The following CD2AP variants were observed in gnomAD, a reference collection of about 807,000 sequenced individuals.
CD2AP encodes the protein CD2-associated protein.
Under a neutral mutation model 85.1 loss-of-function variants are expected in CD2AP, and 46 were observed. That is an observed-to-expected ratio of 0.54 (90% confidence interval 0.43 to 0.69). CD2AP has a LOEUF of 0.69. Ranked by LOEUF, CD2AP falls within the 30% of genes least tolerant of loss-of-function variation. CD2AP has a pLI of 0.00. For synonymous variants in CD2AP, 255 were observed against 252.9 expected (o/e 1.01, Z -0.08); for missense variants, 769 against 729.5 (o/e 1.05, Z -0.62).
intron 5 of CD2AP, among the ~76,000 whole-genome samples, chr6:47,565,663 C>T (rs1168006297): frequency 6.6e-6 from 1 of 152,114 alleles, no homozygotes; most frequent in East Asian, 1.9e-4. Flanking sequence ...TCTTAGATTT[C>T]TCTTGTACTC....
intron 2 of CD2AP, among the ~76,000 whole-genome samples, chr6:47,509,066 C>T (rs1369765657): frequency 6.6e-6 from 1 of 152,132 alleles, no homozygotes; most frequent in African/African-American, 2.4e-5. Context: ...TTCTTCCTTT[C>T]ACTTGAATAC....
At chr6:47,603,097 C>G (rs1769183719) in intron 13 of CD2AP, among the ~76,000 whole-genome samples, 1 of 151,632 alleles carries the variant, frequency 6.6e-6, no homozygotes, top group Non-Finnish European at 1.5e-5. Flanking sequence ...TAATAGGTAC[C>G]TGTTGAGTAG....
chr6:47,517,393 T>A (rs1766481122), intron 2 of CD2AP, among the ~76,000 whole-genome samples: 1 of 151,882 alleles, frequency 6.6e-6, no homozygotes, highest in African/African-American at 2.4e-5. Context: ...GCTCAAGCGA[T>A]CCTCTCACCT....
rs911968349 is a variant in CD2AP, at chr6:47,478,173, G to T, written c.-72G>T. 12 of 1,544,830 alleles carry T rather than the reference G, an allele frequency of 7.8e-6. No homozygotes were observed. The highest frequency in any genetic ancestry group is 2.0e-5 in the Admixed American group (1 of 51,084). ...GGGTCCCGCCTCCAGCCGCGGGAGC[G>T]GCCGCGCGAGCCACCACTGGAGGAG... On this transcript the variant is annotated 5_prime_UTR_variant, in exon 1 of 18. Coordinates refer to ENST00000359314, the MANE Select transcript of CD2AP (RefSeq NM_012120.3).
intron 11 of CD2AP, among the ~76,000 whole-genome samples, chr6:47,589,495 CA>C (rs1209527734): frequency 6.8e-6 from 1 of 147,768 alleles, no homozygotes; most frequent in East Asian, 2.0e-4. Context: ...TGTATGTGCA[CA>C]TATATATACA....
chr6:47,478,389 C>T (rs1765360223), intron 1 of CD2AP, 141 bp downstream of exon 1: 2 of 965,554 alleles, frequency 2.1e-6, no homozygotes, highest in Admixed American at 4.0e-5. Context: ...TCCCCACCGC[C>T]CCTTCTTGCC....
Position 47,606,055 on chromosome 6 carries a change from A to C in CD2AP, c.1418-110A>C, listed in dbSNP as rs930458505. On this transcript the variant is annotated intron_variant, in intron 13 of 17. Transcript: ENST00000359314. ...ACAGGTCAATTTGTGAGTTCTTCAA[A>C]GTAGTGGTACTCTTTTTAATTTATA... The C allele has an allele frequency of 2.3e-5, 15 of 657,954 alleles. No homozygotes were observed. The Admixed American group carries it at 3.2e-4, about 14-fold the overall frequency. The allele number at this position is 657,954 out of a possible 1,614,324, so 40.8% of individuals were successfully genotyped here.
At chr6:47,607,063 G>C (rs1769296146) in intron 14 of CD2AP, among the ~76,000 whole-genome samples, 1 of 151,990 alleles carries the variant, frequency 6.6e-6, no homozygotes, top group Non-Finnish European at 1.5e-5. Flanking sequence ...TGCAAAGTTT[G>C]TTCTTCTGTG....
At chr6:47,621,888 G>A (rs932808291) in intron 17 of CD2AP, among the ~76,000 whole-genome samples, 5 of 152,148 alleles carry the variant, frequency 3.3e-5, no homozygotes, top group African/African-American at 1.2e-4. Flanking sequence ...ACCAGCAGTG[G>A]GCGGGGCCGT....
rs544178640 is a variant in CD2AP, at chr6:47,583,829, C to A, written c.1108+1764C>A. Among the ~76,000 whole-genome samples the A allele has an allele frequency of 2.6e-5, 4 of 152,252 alleles. No homozygotes were observed. In the East Asian group the frequency reaches 7.7e-4, roughly 29 times the overall value. The stretch of plus-strand genomic sequence containing the variant: ...GCAAGAGTATATTGAGTTTTGTAGG[C>A]GCAACTGCCAAACTTCTTCCAATGT... On this transcript the variant is annotated intron_variant, in intron 11 of 17. Coordinates refer to ENST00000359314, the MANE Select transcript of CD2AP (RefSeq NM_012120.3).
chr6:47,575,800 C>T (rs1308415930), intron 6 of CD2AP, among the ~76,000 whole-genome samples: 2 of 152,000 alleles, frequency 1.3e-5, no homozygotes, highest in Non-Finnish European at 2.9e-5. Context: ...CATAAGATTA[C>T]CTGAATCATT....
chr6:47,608,646 A>G (rs970257998), intron 15 of CD2AP, among the ~76,000 whole-genome samples: 1 of 152,160 alleles, frequency 6.6e-6, no homozygotes, highest in Non-Finnish European at 1.5e-5. Flanking sequence ...ATTTTATTAA[A>G]GTGACTTTCT....
chr6:47,567,476 C>A (rs533218094), intron 5 of CD2AP, among the ~76,000 whole-genome samples: 3 of 152,204 alleles, frequency 2.0e-5, no homozygotes, highest in East Asian at 1.9e-4. Flanking sequence ...TGATTTACCC[C>A]CCTTGTTTGA....
intron 12 of CD2AP, 51 bp downstream of exon 12, chr6:47,596,077 C>A: frequency 7.8e-7 from 1 of 1,283,396 alleles, no homozygotes; most frequent in Non-Finnish European, 1.1e-6. Flanking sequence ...CACCTTTGAC[C>A]TTAATGGCTC....
rs181291373 is a variant in CD2AP at position 47,499,192 on chromosome 6, G to A, written c.5-4088G>A. Among the ~76,000 whole-genome samples, 3 of 152,146 alleles carry A rather than the reference G, an allele frequency of 2.0e-5. No homozygotes were observed. The East Asian group carries it at 5.8e-4, about 29-fold the overall frequency. ...ATTGGCCATTTTCCTAAAGAGTCCT[G>A]ATTCCTTTTAGTAGTAGGTGGTATT... is the stretch of plus-strand genomic sequence containing the variant. On this transcript the variant is annotated intron_variant, in intron 1 of 17. Transcript: ENST00000359314.
chr6:47,485,131 G>A (rs912778004), intron 1 of CD2AP, among the ~76,000 whole-genome samples: 1 of 152,150 alleles, frequency 6.6e-6, no homozygotes, highest in African/African-American at 2.4e-5. Flanking sequence ...ACTGGCTTAT[G>A]TATTTACTAT....
intron 17 of CD2AP, among the ~76,000 whole-genome samples, chr6:47,616,516 T>C (rs1379809197): frequency 6.6e-6 from 1 of 152,244 alleles, no homozygotes; most frequent in Non-Finnish European, 1.5e-5. Flanking sequence ...ATAATTTATG[T>C]GAAAGTACTT....
chr6:47,510,675 A>G (rs1017559323), intron 2 of CD2AP, among the ~76,000 whole-genome samples: 1 of 152,216 alleles, frequency 6.6e-6, no homozygotes, highest in Non-Finnish European at 1.5e-5. Context: ...GGGAGAAAGG[A>G]TAAATTGAAA....
chr6:47,502,599 T>G (rs1183945229), intron 1 of CD2AP, among the ~76,000 whole-genome samples: 1 of 151,650 alleles, frequency 6.6e-6, no homozygotes, highest in African/African-American at 2.4e-5. Context: ...GTTCAAGCTA[T>G]TCTCCTACCT....
Sources: allele counts gnomAD v4.1 joint callset (sites outside exome capture counted in the v4.1 genomes callset), GRCh38; gene constraint gnomAD v4.1.1; transcripts MANE v1.5; gene names NCBI Gene and HGNC (gene_info 2026-07-23, HGNC 2026-07-21).